BBX: variants seen among roughly 807,000 people sequenced by gnomAD.
BBX encodes the protein BBX high mobility group box domain containing.
Under a neutral mutation model 100.2 loss-of-function variants are expected in BBX, and 30 were observed. The ratio of observed to expected loss-of-function variants is 0.30; its 90% confidence interval spans 0.22 to 0.41. The LOEUF (loss-of-function observed/expected upper bound fraction) is 0.41, where lower values mean the gene tolerates loss of function less well. Ranked by LOEUF, BBX falls within the 10% of genes least tolerant of loss-of-function variation. The pLI is 1.00. For missense variants in BBX, 1,023 were observed against 1,129.8 expected (o/e 0.91, Z 1.35); for synonymous variants, 376 against 388.1 (o/e 0.97, Z 0.37).
At chr3:107,578,646 C>T (rs116792590) in intron 2 of BBX, among the ~76,000 whole-genome samples, 15 of 152,206 alleles carry the variant, frequency 9.9e-5, no homozygotes, top group African/African-American at 1.7e-4. Flanking sequence ...CAGAGGGGCT[C>T]GTGGCCCTGA....
At chr3:107,595,299 G>C (rs2053601851) in intron 2 of BBX, among the ~76,000 whole-genome samples, 1 of 152,180 alleles carries the variant, frequency 6.6e-6, no homozygotes, top group Non-Finnish European at 1.5e-5. Flanking sequence ...CTTTATAATA[G>C]TTTGTGGAAG....
intron 2 of BBX, among the ~76,000 whole-genome samples, chr3:107,540,504 G>A (rs974149146): frequency 6.6e-6 from 1 of 152,174 alleles, no homozygotes; most frequent in Admixed American, 6.5e-5. Context: ...TCAGCATCAA[G>A]ATCAGAGGCC....
At chr3:107,663,940 G>A (rs565632641) in intron 3 of BBX, among the ~76,000 whole-genome samples, 33 of 151,672 alleles carry the variant, frequency 2.2e-4, no homozygotes, top group African/African-American at 7.2e-4. Context: ...CAAGTAGTTG[G>A]GACTACAGGC....
chr3:107,679,454 G>A (rs997856434), intron 3 of BBX, among the ~76,000 whole-genome samples: 4 of 152,078 alleles, frequency 2.6e-5, no homozygotes, highest in Non-Finnish European at 5.9e-5. Context: ...AAGCTGTGTG[G>A]TTTCCCAGCA....
chr3:107,578,404 A>C (rs55815455), intron 2 of BBX, among the ~76,000 whole-genome samples: 1,798 of 152,150 alleles, frequency 0.012, 38 homozygotes, highest in African/African-American at 0.042. Flanking sequence ...GTGAGGACGC[A>C]GACTTGACTG....
chr3:107,755,095 A>G (rs1018016240), intron 9 of BBX, among the ~76,000 whole-genome samples: 6 of 152,236 alleles, frequency 3.9e-5, no homozygotes, highest in Non-Finnish European at 1.5e-5. Flanking sequence ...AGCCAGGGTC[A>G]GTGTTTTATA....
At chr3:107,634,443 G>A (rs551984631) in intron 2 of BBX, among the ~76,000 whole-genome samples, 1 of 152,284 alleles carries the variant, frequency 6.6e-6, no homozygotes, top group East Asian at 1.9e-4. Context: ...TGGAGACAAA[G>A]CGCGACCTAA....
At chr3:107,727,849 T>G (rs1365282962) in intron 5 of BBX, among the ~76,000 whole-genome samples, 2 of 152,186 alleles carry the variant, frequency 1.3e-5, no homozygotes, top group East Asian at 3.8e-4. Context: ...CTTATGGGAT[T>G]GAATGAATAT....
chr3:107,585,739 G>A (rs1378277158), intron 2 of BBX, among the ~76,000 whole-genome samples: 2 of 151,994 alleles, frequency 1.3e-5, no homozygotes, highest in Admixed American at 1.3e-4. Flanking sequence ...TCCTAGAATA[G>A]GAAACTTGTG....
rs747655585 is a variant in BBX at position 107,773,244 on chromosome 3, G to T, written c.1523G>T (p.Arg508Leu). The change falls in exon 11 of 18, where the codon CGC (arginine) becomes CTC (leucine). Residue 508 changes from arginine (R) to leucine (L), a missense_variant. Arg to Leu is a moderately radical substitution (Grantham distance 102). Transcript: ENST00000325805. This position sits in a 1 kb window ranked among gnomAD's most constrained non-coding sequence, Gnocchi z 4.1. ...WGIEKLGDTP[R>L]KKVRTSSSGK... ...ATAGAGAAACTTGGAGATACCCCTC[G>T]CAAGAAGGTCCGCACATCCTCAAGT... 1.9e-6 allele frequency: 3 copies of T among 1,613,986 alleles called. No homozygotes were observed. The highest frequency in any genetic ancestry group is 2.2e-5 in the South Asian group (2 of 91,072).
At chr3:107,774,656 C>A in intron 11 of BBX, 63 bp from the exon 12 acceptor site, 1 of 1,549,900 alleles carries the variant, frequency 6.5e-7, no homozygotes, top group Middle Eastern at 1.7e-4. Flanking sequence ...CGTGAAGCAA[C>A]TAACATCATC....
intron 3 of BBX, among the ~76,000 whole-genome samples, chr3:107,702,158 G>A (rs1196455720): frequency 2.6e-5 from 4 of 152,230 alleles, no homozygotes; most frequent in African/African-American, 7.2e-5. Context: ...AAGAAAAATG[G>A]TTGGAGAAGT....
intron 2 of BBX, among the ~76,000 whole-genome samples, chr3:107,621,691 G>T (rs1202373138): frequency 6.6e-6 from 1 of 152,124 alleles, no homozygotes; most frequent in Non-Finnish European, 1.5e-5. Context: ...CTTTCCATGT[G>T]CTATTTTGGT....
At chr3:107,708,551 G>C (rs533066537) in intron 3 of BBX, among the ~76,000 whole-genome samples, 1 of 151,776 alleles carries the variant, frequency 6.6e-6, no homozygotes, top group Non-Finnish European at 1.5e-5. Context: ...GCGGGCGCCC[G>C]TAGTCCCAGC....
At chr3:107,676,927 G>GT (rs2059310455) in intron 3 of BBX, among the ~76,000 whole-genome samples, 1 of 152,050 alleles carries the variant, frequency 6.6e-6, no homozygotes, top group South Asian at 2.1e-4. Flanking sequence ...TTGTAATTGT[G>GT]TTTAGCATTA....
intron 3 of BBX, among the ~76,000 whole-genome samples, chr3:107,701,906 G>T (rs2061087066): frequency 6.6e-6 from 1 of 152,056 alleles, no homozygotes; most frequent in South Asian, 2.1e-4. Flanking sequence ...CTGGTACATA[G>T]GAAGCATTAT....
At chr3:107,796,563 G>C (rs3943014) in intron 15 of BBX, among the ~76,000 whole-genome samples, 1 of 152,298 alleles carries the variant, frequency 6.6e-6, no homozygotes, top group African/African-American at 2.4e-5. Flanking sequence ...ATGTGCAATA[G>C]ATGTTATTTA....
At chr3:107,754,092 C>G (rs1280652684) in intron 9 of BBX, among the ~76,000 whole-genome samples, 1 of 152,122 alleles carries the variant, frequency 6.6e-6, no homozygotes, top group Non-Finnish European at 1.5e-5. Flanking sequence ...GTAAATGAGG[C>G]TCAAAATCTT....
At chr3:107,755,371 A>G (rs1184745239) in intron 9 of BBX, among the ~76,000 whole-genome samples, 1 of 152,210 alleles carries the variant, frequency 6.6e-6, no homozygotes, top group Non-Finnish European at 1.5e-5. Flanking sequence ...ATCCAAGATA[A>G]TATTCTTACT....
Sources: allele counts gnomAD v4.1 joint callset (sites outside exome capture counted in the v4.1 genomes callset), GRCh38; gene constraint gnomAD v4.1.1; non-coding constraint Gnocchi (gnomAD v3.1); transcripts MANE v1.5; gene names NCBI Gene and HGNC (gene_info 2026-07-23, HGNC 2026-07-21).